The following GPC5 variants were observed in gnomAD, a reference collection of about 807,000 sequenced individuals.
The protein encoded by GPC5 is glypican 5, also known as glypican-5.
GPC5 carries 47 observed loss-of-function variants against 53.9 expected under a neutral mutation model. The ratio of observed to expected loss-of-function variants is 0.87; its 90% confidence interval spans 0.69 to 1.11. The LOEUF is 1.11. Among genes scored for constraint, GPC5 ranks in the 50% most tolerant of loss-of-function variants. The pLI is 0.00. For missense variants in GPC5, 748 were observed against 713.1 expected, an observed-to-expected ratio of 1.05 and a Z score of -0.56; for synonymous variants, 286 against 263.3, an observed-to-expected ratio of 1.09 and a Z score of -0.84.
intron 2 of GPC5, among the ~76,000 whole-genome samples, chr13:91,609,514 T>G (rs2033482328): frequency 6.6e-6 from 1 of 152,132 alleles, no homozygotes; most frequent in Non-Finnish European, 1.5e-5. Flanking sequence ...ATCTGCCAGG[T>G]TTTGCACAAA....
At chr13:92,481,393 G>A (rs1404239591) in intron 7 of GPC5, among the ~76,000 whole-genome samples, 17 of 152,090 alleles carry the variant, frequency 1.1e-4, no homozygotes, top group African/African-American at 3.4e-4. Context: ...GACCCACCGC[G>A]CCTGGCCAAT....
intron 5 of GPC5, among the ~76,000 whole-genome samples, chr13:91,767,058 C>T (rs2037539670): frequency 1.3e-5 from 2 of 152,106 alleles, no homozygotes; most frequent in African/African-American, 4.8e-5. Context: ...TGGATGGGTT[C>T]TGTCTTGGAT....
At chr13:91,465,320 A>G (rs1323078656) in intron 2 of GPC5, among the ~76,000 whole-genome samples, 1 of 152,116 alleles carries the variant, frequency 6.6e-6, no homozygotes, top group Non-Finnish European at 1.5e-5. Flanking sequence ...TGACCACCAC[A>G]ATTAGAGAAT....
rs1222121706 is a variant in GPC5 at position 92,735,244 on chromosome 13, A to G, written c.1562-131038A>G. Among the ~76,000 whole-genome samples the G allele has an allele frequency of 2.0e-5, 3 of 151,956 alleles. No individual in the cohort carries two copies. The Admixed American group carries it at 2.0e-4, about 10-fold the overall frequency. Reference sequence around the variant, plus strand: ...CAGTTTGCTAAAATAAAATTATGTTAGTTAATAAGTTCCTTTGCTTTCATC... The same window carrying G: ...CAGTTTGCTAAAATAAAATTATGTTGGTTAATAAGTTCCTTTGCTTTCATC... On this transcript the variant is annotated intron_variant, in intron 7 of 7. Transcript: ENST00000377067.
intron 7 of GPC5, among the ~76,000 whole-genome samples, chr13:92,467,295 T>C (rs1292647275): frequency 6.6e-6 from 1 of 152,140 alleles, no homozygotes; most frequent in African/African-American, 2.4e-5. Flanking sequence ...CAGAAATTCA[T>C]GTCCGTCTTA....
chr13:92,294,813 CTTTTTTTTTTTTCTTTTTT>C (rs2043022370), intron 7 of GPC5, among the ~76,000 whole-genome samples: 1 of 103,990 alleles, frequency 9.6e-6, no homozygotes, highest in African/African-American at 3.6e-5. Context: ...CTGTTTCTTT[CTTTTTTTTTTTTCTTTTTT>C]TTTTTTTTTT....
intron 2 of GPC5, among the ~76,000 whole-genome samples, chr13:91,631,206 T>G (rs1425535381): frequency 6.6e-6 from 1 of 152,198 alleles, no homozygotes; most frequent in Non-Finnish European, 1.5e-5. Flanking sequence ...CTTTGGTTTT[T>G]GGTTTACATT....
intron 7 of GPC5, among the ~76,000 whole-genome samples, chr13:92,539,617 G>T (rs149418915): frequency 0.013 from 1,980 of 152,010 alleles, 48 homozygotes; most frequent in African/African-American, 0.046. Context: ...CATTCTGTAG[G>T]TTGCCTGTTC....
chr13:91,770,704 TTG>T (rs71113759), intron 5 of GPC5, among the ~76,000 whole-genome samples: 21,687 of 145,436 alleles, frequency 0.15, 2,008 homozygotes, highest in African/African-American at 0.28. Context: ...GACTGTGTGT[TTG>T]TGTGTGTGTG....
Position 92,510,817 on chromosome 13 carries a change from T to C in GPC5, c.1562-355465T>C, listed in dbSNP as rs79649017. Among the ~76,000 whole-genome samples the C allele has an allele frequency of 3.9e-5, 6 of 152,306 alleles. 1 individual carries two copies. The highest frequency in any genetic ancestry group is 3.9e-4 in the East Asian group (2 of 5,178). ...TGAGACATAAGTAAGGGTGATTAGA[T>C]TGATAGCATCTCCATTACCAAATCA... On this transcript the variant is annotated intron_variant, in intron 7 of 7. Transcript: ENST00000377067.
chr13:92,538,115 T>C (rs1881783398), intron 7 of GPC5, among the ~76,000 whole-genome samples: 1 of 152,146 alleles, frequency 6.6e-6, no homozygotes, highest in Non-Finnish European at 1.5e-5. Context: ...GCTAGTTTCA[T>C]TAGACCAGGC....
At chr13:91,596,220 TATA>T (rs1295630327) in intron 2 of GPC5, among the ~76,000 whole-genome samples, 1 of 152,188 alleles carries the variant, frequency 6.6e-6, no homozygotes, top group East Asian at 1.9e-4. Context: ...TTTTCATTCT[TATA>T]ATTTTAATCT....
At chr13:92,720,650 TAAATC>T (rs1888482890) in intron 7 of GPC5, among the ~76,000 whole-genome samples, 1 of 152,132 alleles carries the variant, frequency 6.6e-6, no homozygotes, top group African/African-American at 2.4e-5. Flanking sequence ...ATTCTGAAAT[TAAATC>T]CACTGCTACT....
chr13:91,605,289 C>A (rs1265559651), intron 2 of GPC5, among the ~76,000 whole-genome samples: 1 of 148,118 alleles, frequency 6.8e-6, no homozygotes, highest in Non-Finnish European at 1.5e-5. Context: ...TTTCTGAGGG[C>A]TCTGTTCTGT....
chr13:92,392,084 A>C (rs2139324950), intron 7 of GPC5, among the ~76,000 whole-genome samples: 1 of 152,334 alleles, frequency 6.6e-6, no homozygotes, highest in African/African-American at 2.4e-5. Context: ...AAAATTGGCA[A>C]AAAATTAAGC....
At chr13:92,841,180 C>A (rs905163801) in intron 7 of GPC5, among the ~76,000 whole-genome samples, 1 of 152,034 alleles carries the variant, frequency 6.6e-6, no homozygotes, top group Non-Finnish European at 1.5e-5. Flanking sequence ...GTGTGCTTCA[C>A]AAATTATTTG....
rs1405761530 is a variant in GPC5 at position 91,572,076 on chromosome 13, CAT to C, written c.326-121108_326-121107del. 4.1e-4 allele frequency among the ~76,000 whole-genome samples: 55 copies of C among 134,652 alleles called. 6 individuals carry two copies. Among genetic ancestry groups the C allele is most frequent in the South Asian group, 3.1e-3 (14 of 4,472 alleles). 88.3% of individuals were successfully genotyped at this position (134,652 alleles called of 152,430 possible). On this transcript the variant is annotated intron_variant, in intron 2 of 7. Transcript: ENST00000377067. The stretch of plus-strand genomic sequence containing the variant: ...ATGTATATATACATGTATATACACA[CAT>C]ATGTATATGTACATGTGTGTGTATA...
intron 7 of GPC5, among the ~76,000 whole-genome samples, chr13:92,379,545 C>G (rs1240660610): frequency 6.6e-6 from 1 of 151,046 alleles, no homozygotes; most frequent in Non-Finnish European, 1.5e-5. Context: ...CTGCATAGTT[C>G]TTCCCTGTGC....
At chr13:91,491,603 A>T (rs1447998171) in intron 2 of GPC5, among the ~76,000 whole-genome samples, 1 of 152,188 alleles carries the variant, frequency 6.6e-6, no homozygotes, top group African/African-American at 2.4e-5. Context: ...TAGTTGTGAA[A>T]GCCAGAAGTC....
Sources: gnomAD v4.1 joint callset for allele counts (sites outside exome capture counted in the v4.1 genomes callset) on GRCh38, gnomAD v4.1.1 for gene constraint, MANE v1.5 for transcripts, NCBI Gene and HGNC (gene_info 2026-07-23, HGNC 2026-07-21) for gene names.